The following SLC15A2 variants were observed in gnomAD, a reference collection of about 807,000 sequenced individuals.
SLC15A2 encodes kidney H(+)/peptide cotransporter.
A neutral mutation model predicts 95.5 loss-of-function variants in SLC15A2; 77 were observed. That is an observed-to-expected ratio of 0.81 (90% CI 0.67 to 0.97). The LOEUF is 0.97. SLC15A2 is among the 50% of genes least tolerant of loss of function. The pLI is 0.00. For synonymous variants in SLC15A2, 306 were observed against 306.9 expected, an observed-to-expected ratio of 1.00 and a Z score of 0.03; for missense variants, 893 against 874.4, an observed-to-expected ratio of 1.02 and a Z score of -0.27.
At chr3:121,895,202 G>A (rs1709394883) in intron 1 of SLC15A2, 1 of 152,166 alleles carries the variant, frequency 6.6e-6, no homozygotes, top group African/African-American at 2.4e-5. Flanking sequence ...TGGGCCAAAA[G>A]GTGATGTTAT....
At chr3:121,900,316 C>T (rs1229655201) in intron 3 of SLC15A2, among the ~76,000 whole-genome samples, 1 of 152,204 alleles carries the variant, frequency 6.6e-6, no homozygotes, top group Non-Finnish European at 1.5e-5. Flanking sequence ...AGCACAACAT[C>T]CACTGCATTA....
intron 13 of SLC15A2, among the ~76,000 whole-genome samples, chr3:121,925,726 C>CTATATATA (rs67563324): frequency 1.8e-4 from 6 of 33,814 alleles, no homozygotes; most frequent in African/African-American, 2.8e-4. Context: ...AGGGGCTAGA[C>CTATATATA]TATATATATA....
chr3:121,936,185 C>T (rs566256058), intron 19 of SLC15A2, among the ~76,000 whole-genome samples: 1 of 152,076 alleles, frequency 6.6e-6, no homozygotes, highest in East Asian at 1.9e-4. Context: ...TTACTTCCAA[C>T]TATGTGGTCA....
Position 121,923,252 on chromosome 3 carries a change from A to T in SLC15A2, c.988A>T (p.Met330Leu). 6.2e-7 allele frequency: 1 copy of T among 1,613,948 alleles called. No homozygotes were observed. Among genetic ancestry groups the T allele is most frequent in the South Asian group, 1.1e-5 (1 of 91,060 alleles). ...ACGATGGACTTTGCAAGCCATCAGGATGAATAGGAATTTGGTGAGTAGAAG... is the reference window on the plus strand; with the variant it reads ...ACGATGGACTTTGCAAGCCATCAGGTTGAATAGGAATTTGGTGAGTAGAAG... ...GSRWTLQAIR[M>L]NRNLGFFVLQ... is the part of the protein sequence containing the mutation. The change falls in exon 11 of 22, where the codon ATG becomes TTG. Residue 330 changes from methionine (M) to leucine (L), a missense_variant. Transcript: ENST00000489711.
intron 17 of SLC15A2, 28 bp downstream of exon 17, chr3:121,929,376 A>T: frequency 1.9e-6 from 3 of 1,610,240 alleles, no homozygotes; most frequent in Non-Finnish European, 1.7e-6. Flanking sequence ...ATTCCAGGCC[A>T]CTCTGTTTTC....
chr3:121,901,702 G>A (rs1709523438), intron 3 of SLC15A2, among the ~76,000 whole-genome samples: 1 of 152,058 alleles, frequency 6.6e-6, no homozygotes, highest in Admixed American at 6.5e-5. Context: ...TCAGAAAAAA[G>A]ACAAGACTCT....
Position 121,894,452 on chromosome 3 carries a change from A to G in SLC15A2, c.-25A>G, listed in dbSNP as rs1474205793. The G allele has an allele frequency of 2.0e-6, 3 of 1,483,916 alleles. No homozygotes were observed. The highest frequency in any genetic ancestry group is 2.8e-6 in the Non-Finnish European group (3 of 1,076,554). 91.9% of individuals were successfully genotyped at this position (1,483,916 alleles called of 1,614,324 possible). ...GCCTACTAAAGCCAAATGCTTGAGG[A>G]GAGAGAGAGAGTAAGGAGCCAGCCA... On this transcript the variant is annotated 5_prime_UTR_variant, in exon 1 of 22. Coordinates refer to ENST00000489711, the MANE Select transcript of SLC15A2 (RefSeq NM_021082.4).
chr3:121,938,797 A>G (rs1710402918), intron 19 of SLC15A2, among the ~76,000 whole-genome samples: 1 of 152,180 alleles, frequency 6.6e-6, no homozygotes, highest in Non-Finnish European at 1.5e-5. Flanking sequence ...AGCCACCTCC[A>G]TGTCTCTTTT....
rs567619022 is a variant in SLC15A2 at position 121,897,677 on chromosome 3, T to TA, written c.335+157dup. 8.0e-4 allele frequency: 586 copies of TA among 730,438 alleles called. 1 individual carries two copies. The East Asian group carries it at 0.011, about 14-fold the overall frequency. The allele number at this position is 730,438 out of a possible 1,614,324, so 45.2% of individuals were successfully genotyped here. A position where few individuals can be genotyped will look rare whatever the true frequency, so the allele number is the denominator to read the frequency against. ...GTACATCTGTGTAGTGTGGGAAATT[T>TA]AAAAAAAAAGAATCTCTGTGGTAAC... On this transcript the variant is annotated intron_variant, in intron 3 of 21. Coordinates refer to ENST00000489711, the MANE Select transcript of SLC15A2 (RefSeq NM_021082.4).
At chr3:121,918,943 G>A (rs1709949992) in intron 7 of SLC15A2, among the ~76,000 whole-genome samples, 1 of 152,190 alleles carries the variant, frequency 6.6e-6, no homozygotes, top group East Asian at 1.9e-4. Context: ...CTCTGTCTGG[G>A]CCTTGCTCTG....
intron 3 of SLC15A2, among the ~76,000 whole-genome samples, chr3:121,905,442 A>C (rs1043666495): frequency 3.3e-5 from 5 of 151,986 alleles, no homozygotes; most frequent in Admixed American, 1.3e-4. Flanking sequence ...GGTGATGTTA[A>C]GGTGTCGATT....
intron 3 of SLC15A2, among the ~76,000 whole-genome samples, chr3:121,906,741 T>A (rs1295546792): frequency 6.6e-6 from 1 of 152,232 alleles, no homozygotes. Flanking sequence ...GTTAGTCTGA[T>A]GGGCTTCCCT....
At chr3:121,919,098 A>G (rs1378851154) in intron 7 of SLC15A2, among the ~76,000 whole-genome samples, 1 of 152,206 alleles carries the variant, frequency 6.6e-6, no homozygotes, top group Non-Finnish European at 1.5e-5. Context: ...GAGGTGTTAT[A>G]GCTCCTGCTC....
rs911903543 is a variant in SLC15A2 at position 121,943,522 on chromosome 3, A to G, written c.*2515A>G. 3 of 152,230 alleles carry G rather than the reference A, an allele frequency of 2.0e-5. No individual in the cohort carries two copies. The highest frequency in any genetic ancestry group is 2.9e-5 in the Non-Finnish European group (2 of 68,042). The allele number at this position is 152,230 out of a possible 1,614,324, so 9.4% of individuals were successfully genotyped here. A position where few individuals can be genotyped will look rare whatever the true frequency, so the allele number is the denominator to read the frequency against. ...TATGAAGTGCCTGGAGTCAAATATA[A>G]CATTCCAAAGTAGTCTGACTGGAAG... On this transcript the variant is annotated 3_prime_UTR_variant, in exon 22 of 22. Transcript: ENST00000489711.
intron 19 of SLC15A2, among the ~76,000 whole-genome samples, chr3:121,935,240 C>T (rs1710315059): frequency 6.6e-6 from 1 of 152,100 alleles, no homozygotes; most frequent in African/African-American, 2.4e-5. Context: ...TTGGTTGTGT[C>T]TCTGCCCGGC....
chr3:121,937,410 C>G (rs1279254384), intron 19 of SLC15A2, among the ~76,000 whole-genome samples: 5 of 122,254 alleles, frequency 4.1e-5, no homozygotes, highest in African/African-American at 1.6e-4. Flanking sequence ...ACCAATCAGA[C>G]GTAGATTTGG....
At chr3:121,933,604 G>A (rs2107608054) in intron 19 of SLC15A2, among the ~76,000 whole-genome samples, 1 of 149,636 alleles carries the variant, frequency 6.7e-6, no homozygotes, top group East Asian at 2.0e-4. Context: ...CTTTTTGATG[G>A]GGTTGTTTGT....
At chr3:121,928,936 A>G in intron 15 of SLC15A2, 46 bp from the exon 16 acceptor site, 1 of 1,593,018 alleles carries the variant, frequency 6.3e-7, no homozygotes. Flanking sequence ...TCCAATATGC[A>G]GTAGAAGGTG....
In SLC15A2 at chr3:121,929,308, G is replaced by C; in HGVS notation, c.1513G>C (p.Asp505His). 3.1e-6 allele frequency: 5 copies of C among 1,613,888 alleles called. No individual in the cohort carries two copies. The highest frequency in any genetic ancestry group is 4.2e-6 in the Non-Finnish European group (5 of 1,179,834). Residue 505 changes from aspartate (D) to histidine (H), a missense_variant, in exon 17 of 22, where the codon GAT becomes CAT. Physicochemically the swap from Asp to His is moderately conservative, Grantham distance 81. Transcript: ENST00000489711. ...TTACTTTCCTCTGTTGTAGGTAAAG[G>C]ATACAGAAAGCAGAACAACCAATGG... ...GNSISSMMVK[D>H]TESRTTNGMT...
Sources: allele counts gnomAD v4.1 joint callset (sites outside exome capture counted in the v4.1 genomes callset), GRCh38; gene constraint gnomAD v4.1.1; transcripts MANE v1.5; gene names NCBI Gene and HGNC (gene_info 2026-07-23, HGNC 2026-07-21).